NFIB: variants seen among roughly 807,000 people sequenced by gnomAD.
The protein encoded by NFIB is nuclear factor 1 B-type.
In NFIB, 11 loss-of-function variants were observed where a neutral mutation model predicts 61.5. That is an observed-to-expected ratio of 0.18 (90% confidence interval 0.11 to 0.30). The LOEUF (loss-of-function observed/expected upper bound fraction) is 0.30, where lower values mean the gene tolerates loss of function less well. Among genes scored for constraint, NFIB ranks in the 10% least tolerant of loss-of-function variants. The probability of loss-of-function intolerance (pLI) is 1.00; values close to 1 mark genes in which losing one functional copy is unlikely to be tolerated. For missense variants in NFIB, 471 were observed against 608.9 expected (o/e 0.77, Z 2.38); for synonymous variants, 260 against 216.5 (o/e 1.20, Z -1.76).
intron 3 of NFIB, among the ~76,000 whole-genome samples, chr9:14,156,584 G>T (rs2043434271): frequency 6.6e-6 from 1 of 152,130 alleles, no homozygotes; most frequent in Non-Finnish European, 1.5e-5. Context: ...CCAGGCCTCT[G>T]GGAATGCCAC....
chr9:14,254,793 C>G (rs2056047260), intron 2 of NFIB, among the ~76,000 whole-genome samples: 1 of 151,924 alleles, frequency 6.6e-6, no homozygotes, highest in Non-Finnish European at 1.5e-5. Flanking sequence ...AGTTGGGATT[C>G]TGTGTGTGTG....
chr9:14,434,064 A>C, the NFIB span, among the ~76,000 whole-genome samples: 1 of 152,238 alleles, frequency 6.6e-6, no homozygotes, highest in Admixed American at 6.5e-5. Context: ...TTGCAATATT[A>C]AAATTTGTGG....
chr9:14,440,531 G>C, the NFIB span, among the ~76,000 whole-genome samples: 4 of 152,118 alleles, frequency 2.6e-5, no homozygotes, highest in Non-Finnish European at 5.9e-5. Flanking sequence ...AAAATCACTA[G>C]AGCCACAATC....
At chr9:14,380,161 T>A (rs954420093) in intron 1 of NFIB, among the ~76,000 whole-genome samples, 1 of 152,132 alleles carries the variant, frequency 6.6e-6, no homozygotes, top group Admixed American at 6.6e-5. Flanking sequence ...CTACTACAAG[T>A]TAGTGGAAAA....
intron 2 of NFIB, among the ~76,000 whole-genome samples, chr9:14,187,726 TC>T (rs2047536189): frequency 6.6e-6 from 1 of 152,126 alleles, no homozygotes; most frequent in African/African-American, 2.4e-5. Context: ...CTGAAATTTG[TC>T]CACAGGGAAT....
chr9:14,229,129 TATA>T lies in NFIB; in HGVS notation c.563-49352_563-49350del, dbSNP rs1398181938. On this transcript the variant is annotated intron_variant, in intron 2 of 10. Coordinates refer to ENST00000380953, the MANE Select transcript of NFIB (RefSeq NM_001190737.2). ...AAATCAACTACATACGATTTCATTTTATAATATTTCTACATTCACGTACAGGTA... is the reference window on the plus strand; with the variant it reads ...AAATCAACTACATACGATTTCATTTTATATTTCTACATTCACGTACAGGTA... 2.5e-4 allele frequency among the ~76,000 whole-genome samples: 38 copies of T among 152,196 alleles called. 1 individual carries two copies. Among genetic ancestry groups the T allele is most frequent in the Admixed American group, 2.4e-3 (37 of 15,276 alleles).
the NFIB span, among the ~76,000 whole-genome samples, chr9:14,463,817 A>C: frequency 3.5e-3 from 531 of 151,608 alleles, 14 homozygotes; most frequent in Admixed American, 0.03. Flanking sequence ...CCCGCCACCA[A>C]GCCCGGCTAA....
At chr9:14,250,280 C>A (rs1024214321) in intron 2 of NFIB, among the ~76,000 whole-genome samples, 6 of 151,660 alleles carry the variant, frequency 4.0e-5, no homozygotes, top group Non-Finnish European at 8.8e-5. Context: ...TTTTTGTTTT[C>A]TTTATGTAAG....
At chr9:14,499,322 C>T in the NFIB span, among the ~76,000 whole-genome samples, 10 of 152,120 alleles carry the variant, frequency 6.6e-5, no homozygotes, top group East Asian at 1.9e-3. Context: ...GAGGACCCAG[C>T]CCAAGGAGAA....
chr9:14,291,257 G>A (rs1445306118), intron 2 of NFIB, among the ~76,000 whole-genome samples: 1 of 152,056 alleles, frequency 6.6e-6, no homozygotes, highest in Non-Finnish European at 1.5e-5. Context: ...GGCTGAGGTG[G>A]GTGGATCACT....
At chr9:14,270,055 C>T (rs889441162) in intron 2 of NFIB, among the ~76,000 whole-genome samples, 2 of 152,128 alleles carry the variant, frequency 1.3e-5, no homozygotes, top group Non-Finnish European at 2.9e-5. Context: ...TATTAACAAG[C>T]ACACTATAAA....
intron 1 of NFIB, among the ~76,000 whole-genome samples, chr9:14,367,047 G>C (rs1588376800): frequency 1.3e-5 from 2 of 152,136 alleles, no homozygotes; most frequent in Admixed American, 6.5e-5. Context: ...TTATACTCCT[G>C]TAAGAGTCCA....
intron 7 of NFIB, among the ~76,000 whole-genome samples, chr9:14,121,499 C>G (rs1230194459): frequency 6.6e-6 from 1 of 152,216 alleles, no homozygotes; most frequent in African/African-American, 2.4e-5. Flanking sequence ...AATACAACAT[C>G]ATCTCATGTC....
the NFIB span, among the ~76,000 whole-genome samples, chr9:14,467,710 C>A: frequency 3.3e-5 from 5 of 152,096 alleles, no homozygotes; most frequent in African/African-American, 1.2e-4. Context: ...CAAACACCTA[C>A]CATAGGCCAA....
chr9:14,097,850 CTTTT>C (rs994880801), intron 10 of NFIB, among the ~76,000 whole-genome samples: 7 of 129,624 alleles, frequency 5.4e-5, no homozygotes, highest in Admixed American at 1.5e-4. Flanking sequence ...CCCCCCCACA[CTTTT>C]TTTTTCTTTC....
At chr9:14,309,997 C>T (rs2132724834) in intron 1 of NFIB, among the ~76,000 whole-genome samples, 1 of 152,304 alleles carries the variant, frequency 6.6e-6, no homozygotes, top group Admixed American at 6.5e-5. Flanking sequence ...TAAGTACTTA[C>T]ACCTTAAGTA....
chr9:14,231,888 G>C (rs940999368), intron 2 of NFIB, among the ~76,000 whole-genome samples: 1 of 152,080 alleles, frequency 6.6e-6, no homozygotes, highest in Non-Finnish European at 1.5e-5. Flanking sequence ...ACAAAAGCAA[G>C]GAGGAAAAAA....
chr9:14,297,815 G>C (rs1192157048), intron 2 of NFIB, among the ~76,000 whole-genome samples: 2 of 152,128 alleles, frequency 1.3e-5, no homozygotes, highest in African/African-American at 4.8e-5. Flanking sequence ...GAACTATAAT[G>C]TCATATTTGG....
the NFIB span, among the ~76,000 whole-genome samples, chr9:14,507,862 G>T: frequency 0.45 from 67,643 of 151,454 alleles, 15,630 homozygotes; most frequent in East Asian, 0.65. Flanking sequence ...ACAGGCTGCC[G>T]GCATCAGAAA....
Sources: allele counts gnomAD v4.1 joint callset (sites outside exome capture counted in the v4.1 genomes callset), GRCh38; gene constraint gnomAD v4.1.1; transcripts MANE v1.5; gene names NCBI Gene and HGNC (gene_info 2026-07-23, HGNC 2026-07-21).